ANKFN1: variants seen among roughly 807,000 people sequenced by gnomAD.
ANKFN1 encodes the protein ankyrin repeat and fibronectin type III domain containing 1, also known as ankyrin repeat and fibronectin type-III domain-containing protein 1.
Under a neutral mutation model 108.7 loss-of-function variants are expected in ANKFN1, and 74 were observed. The ratio of observed to expected loss-of-function variants is 0.68; its 90% CI spans 0.56 to 0.83. ANKFN1 has a LOEUF of 0.83. ANKFN1 is among the 40% of genes least tolerant of loss of function. The probability of loss-of-function intolerance (pLI) is 0.00; values close to 1 mark genes in which losing one functional copy is unlikely to be tolerated. For synonymous variants in ANKFN1, 547 were observed against 516.2 expected (o/e 1.06, Z -0.81); for missense variants, 1,505 against 1,382.3 (o/e 1.09, Z -1.41).
intron 1 of ANKFN1, among the ~76,000 whole-genome samples, chr17:56,169,228 T>A (rs1910428121): frequency 1.3e-5 from 2 of 152,036 alleles, no homozygotes; most frequent in Admixed American, 6.5e-5. Context: ...GCAGGAAAAA[T>A]TTAATTTCCA....
intron 4 of ANKFN1, among the ~76,000 whole-genome samples, chr17:56,112,047 A>T (rs1905994166): frequency 6.6e-6 from 1 of 152,240 alleles, no homozygotes. Context: ...TCTTCACCTT[A>T]TAGATTAAAT....
chr17:56,119,389 A>G (rs536627135), intron 4 of ANKFN1, among the ~76,000 whole-genome samples: 2 of 152,284 alleles, frequency 1.3e-5, no homozygotes, highest in South Asian at 4.1e-4. Context: ...AGAAGGGTGA[A>G]GATGCTTTGG....
intron 8 of ANKFN1, among the ~76,000 whole-genome samples, chr17:56,383,516 C>G (rs2144828331): frequency 6.6e-6 from 1 of 152,166 alleles, no homozygotes; most frequent in Non-Finnish European, 1.5e-5. Context: ...ACAAAAAACC[C>G]TTCAAAAAAT....
chr17:56,249,610 C>A (rs893778155), intron 3 of ANKFN1, among the ~76,000 whole-genome samples: 1 of 152,070 alleles, frequency 6.6e-6, no homozygotes, highest in African/African-American at 2.4e-5. Context: ...AAAGGTTAGG[C>A]AAACTTTCTA....
intron 8 of ANKFN1, among the ~76,000 whole-genome samples, chr17:56,384,989 C>G (rs368402119): frequency 0.017 from 2,595 of 151,492 alleles, 75 homozygotes; most frequent in African/African-American, 0.059. Flanking sequence ...CATGTGGAAC[C>G]AAAAAAGAGC....
At chr17:56,339,157 A>C (rs1052587429) in intron 4 of ANKFN1, among the ~76,000 whole-genome samples, 2 of 140,300 alleles carry the variant, frequency 1.4e-5, no homozygotes, top group Admixed American at 7.6e-5. Context: ...TGCTATTGTA[A>C]ATTAAATTGT....
intron 4 of ANKFN1, among the ~76,000 whole-genome samples, chr17:56,133,041 C>T (rs1300033459): frequency 6.6e-6 from 1 of 152,168 alleles, no homozygotes; most frequent in Admixed American, 6.5e-5. Context: ...GAAGTACATT[C>T]TGTTTACACG....
intron 4 of ANKFN1, among the ~76,000 whole-genome samples, chr17:56,061,328 G>A (rs1426511465): frequency 1.6e-5 from 2 of 129,006 alleles, no homozygotes; most frequent in African/African-American, 5.9e-5. Context: ...CTGGAGTGCA[G>A]TGGCATGATA....
chr17:56,396,553 C>T (rs1394865865), intron 8 of ANKFN1, among the ~76,000 whole-genome samples: 2 of 151,598 alleles, frequency 1.3e-5, no homozygotes, highest in Non-Finnish European at 2.9e-5. Flanking sequence ...TTTTTTTTGA[C>T]ATTTTATAAC....
At chr17:56,425,588 TCTC>T (rs1392863301) in intron 8 of ANKFN1, among the ~76,000 whole-genome samples, 1 of 152,160 alleles carries the variant, frequency 6.6e-6, no homozygotes, top group Non-Finnish European at 1.5e-5. Context: ...CCTCATCTCT[TCTC>T]CTGTTCCTTG....
At chr17:56,197,253 C>T (rs1913605543) in intron 1 of ANKFN1, among the ~76,000 whole-genome samples, 1 of 152,186 alleles carries the variant, frequency 6.6e-6, no homozygotes, top group Admixed American at 6.5e-5. Flanking sequence ...TCTGATTCTG[C>T]ACACACTGTA....
At chr17:56,096,084 G>A (rs975080208) in intron 4 of ANKFN1, among the ~76,000 whole-genome samples, 3 of 152,152 alleles carry the variant, frequency 2.0e-5, no homozygotes, top group Non-Finnish European at 2.9e-5. Flanking sequence ...GTTGTTGTTA[G>A]CACTAAATTA....
intron 4 of ANKFN1, among the ~76,000 whole-genome samples, chr17:56,082,074 G>A (rs986785334): frequency 6.6e-6 from 1 of 152,126 alleles, no homozygotes; most frequent in African/African-American, 2.4e-5. Flanking sequence ...ATCACTTGAT[G>A]GGCGCCTGAC....
intron 1 of ANKFN1, among the ~76,000 whole-genome samples, chr17:56,211,465 C>G (rs1914994022): frequency 1.3e-5 from 2 of 152,024 alleles, no homozygotes; most frequent in African/African-American, 4.8e-5. Flanking sequence ...GGTCTATATG[C>G]CTATTTTTTT....
At chr17:56,155,669 T>G (rs1909033110) in intron 1 of ANKFN1, among the ~76,000 whole-genome samples, 1 of 152,032 alleles carries the variant, frequency 6.6e-6, no homozygotes, top group South Asian at 2.1e-4. Flanking sequence ...GGAGTCAGCT[T>G]GGCATGTCTT....
Position 56,133,656 on chromosome 17 carries a change from A to C in ANKFN1, c.288+87331A>C, listed in dbSNP as rs968914127. 2.6e-5 allele frequency among the ~76,000 whole-genome samples: 4 copies of C among 151,998 alleles called. No individual in the cohort carries two copies. The Middle Eastern group carries it at 0.014, about 521-fold the overall frequency. ...TTCCATCACTCTACATTTCCATGTC[A>C]TATGCCTCAGTCTGTACCCACGAAT... On this transcript the variant is annotated intron_variant, in intron 4 of 12. Transcript: ENST00000635860.
chr17:56,291,290 A>T (rs2044356953), intron 3 of ANKFN1, among the ~76,000 whole-genome samples: 1 of 152,144 alleles, frequency 6.6e-6, no homozygotes, highest in Non-Finnish European at 1.5e-5. Context: ...ATTTTAACTC[A>T]TTATTGACTA....
chr17:56,495,476 C>A (rs1487476749), intron 19 of ANKFN1, among the ~76,000 whole-genome samples: 1 of 152,126 alleles, frequency 6.6e-6, no homozygotes, highest in Non-Finnish European at 1.5e-5. Flanking sequence ...GATTCCAGAT[C>A]TAAGACAGTG....
chr17:56,097,160 A>T (rs1905550929), intron 4 of ANKFN1, among the ~76,000 whole-genome samples: 1 of 152,224 alleles, frequency 6.6e-6, no homozygotes, highest in Non-Finnish European at 1.5e-5. Context: ...TGAGTGACAG[A>T]ATAATCTGCA....
Sources: allele counts gnomAD v4.1 joint callset (sites outside exome capture counted in the v4.1 genomes callset), GRCh38; gene constraint gnomAD v4.1.1; transcripts MANE v1.5; gene names NCBI Gene and HGNC (gene_info 2026-07-23, HGNC 2026-07-21).